TBC1D32: variants seen among roughly 807,000 people sequenced by gnomAD.
TBC1D32 encodes the protein protein broad-minded.
In TBC1D32, 151 loss-of-function variants were observed where a neutral mutation model predicts 170.3. The ratio of observed to expected loss-of-function variants is 0.89; its 90% confidence interval spans 0.78 to 1.01. The LOEUF (loss-of-function observed/expected upper bound fraction) is 1.01. Ranked by LOEUF, TBC1D32 falls within the 50% of genes least tolerant of loss-of-function variation. The pLI is 0.00. For missense variants in TBC1D32, 1,464 were observed against 1,457.1 expected, an observed-to-expected ratio of 1.00 and a Z score of -0.08; for synonymous variants, 498 against 488.0, an observed-to-expected ratio of 1.02 and a Z score of -0.27.
Position 121,102,253 on chromosome 6 carries a change from G to A in TBC1D32, c.3465+3770C>T, listed in dbSNP as rs546939709. 2.0e-5 allele frequency among the ~76,000 whole-genome samples: 3 copies of A among 152,140 alleles called. 1 individual carries two copies. Among genetic ancestry groups the A allele is most frequent in the South Asian group, 2.1e-4 (1 of 4,822 alleles). Reference sequence around the variant, plus strand: ...GATAAAACTACTTTAAAGTTCATGTGGAACCAGAAAAGATCCCACATTGCC... The same window carrying A: ...GATAAAACTACTTTAAAGTTCATGTAGAACCAGAAAAGATCCCACATTGCC... On this transcript the variant is annotated intron_variant, in intron 30 of 31. Coordinates refer to ENST00000398212, the MANE Select transcript of TBC1D32 (RefSeq NM_152730.6).
At chr6:121,133,606 TGTAA>T (rs982382679) in intron 24 of TBC1D32, among the ~76,000 whole-genome samples, 9 of 152,176 alleles carry the variant, frequency 5.9e-5, no homozygotes, top group East Asian at 1.9e-4. Flanking sequence ...ATCAGATTTA[TGTAA>T]GTATTTCCCT....
In TBC1D32 at chr6:121,141,331, G is replaced by A. The variant is rs186284387; in HGVS notation, c.2774-9579C>T. Among the ~76,000 whole-genome samples, 67 of 152,262 alleles carry A rather than the reference G, an allele frequency of 4.4e-4. No homozygotes were observed. In the Middle Eastern group the frequency reaches 0.017, roughly 39 times the overall value. ...GTAGGAATTAGTATTCCAGGAAAAG[G>A]GAGTATCAAGAGCAAAGGATCAGAG... On this transcript the variant is annotated intron_variant, in intron 24 of 31. Coordinates refer to ENST00000398212, the MANE Select transcript of TBC1D32 (RefSeq NM_152730.6).
chr6:121,184,460 A>C (rs1351023086), intron 22 of TBC1D32, among the ~76,000 whole-genome samples: 1 of 151,940 alleles, frequency 6.6e-6, no homozygotes, highest in Non-Finnish European at 1.5e-5. Flanking sequence ...AGAAAATGGC[A>C]TAATGCACGA....
chr6:121,153,862 A>T (rs1016748330), intron 24 of TBC1D32, among the ~76,000 whole-genome samples: 1 of 151,998 alleles, frequency 6.6e-6, no homozygotes, highest in Non-Finnish European at 1.5e-5. Flanking sequence ...TGCGTATACC[A>T]GGTCGACTTC....
At position 121,152,828 on chromosome 6, in the gene TBC1D32, C is replaced by T. The variant is rs560478216; in HGVS notation, c.2773+7182G>A. ...ACTTGTGTATGCTTCACAATTTTCT[C>T]GTGCTGTGTTTTTCAGTTCCATCAG... On this transcript the variant is annotated intron_variant, in intron 24 of 31. Transcript: ENST00000398212. Among the ~76,000 whole-genome samples, 113 of 152,170 alleles carry T rather than the reference C, an allele frequency of 7.4e-4. 2 individuals are homozygous for T. The highest frequency in any genetic ancestry group is 2.5e-3 in the African/African-American group (103 of 41,528).
intron 31 of TBC1D32, among the ~76,000 whole-genome samples, chr6:121,081,881 T>C (rs1038184629): frequency 6.6e-6 from 1 of 152,040 alleles, no homozygotes; most frequent in Non-Finnish European, 1.5e-5. Flanking sequence ...TTGCCATCAT[T>C]ACCAAAAATC....
chr6:121,098,366 T>C (rs1010640801), intron 30 of TBC1D32, among the ~76,000 whole-genome samples: 5 of 151,996 alleles, frequency 3.3e-5, no homozygotes, highest in African/African-American at 7.2e-5. Context: ...GCTTTCATCA[T>C]AGAAGAAGTA....
chr6:121,276,536 A>C (rs561073234), intron 15 of TBC1D32, among the ~76,000 whole-genome samples: 1 of 152,278 alleles, frequency 6.6e-6, no homozygotes, highest in Non-Finnish European at 1.5e-5. Flanking sequence ...GGCAAAAAAT[A>C]CAGTAAATAT....
intron 1 of TBC1D32, among the ~76,000 whole-genome samples, chr6:121,330,465 C>G (rs1811066147): frequency 6.6e-6 from 1 of 152,152 alleles, no homozygotes; most frequent in African/African-American, 2.4e-5. Context: ...CCCTCTGTAT[C>G]AAAAACATAT....
At chr6:121,255,497 T>C (rs1798859987) in intron 16 of TBC1D32, 87 bp from the exon 17 acceptor site, 2 of 263,026 alleles carry the variant, frequency 7.6e-6, no homozygotes, top group Admixed American at 1.4e-4. Flanking sequence ...AATTATATTT[T>C]ATAATTATAT....
chr6:121,288,686 C>A (rs1383972796), intron 12 of TBC1D32, among the ~76,000 whole-genome samples: 2 of 152,094 alleles, frequency 1.3e-5, no homozygotes, highest in East Asian at 1.9e-4. Context: ...CAAAGCCTGG[C>A]AGAGACACAA....
At chr6:121,159,915 A>G in intron 24 of TBC1D32, 95 bp downstream of exon 24, 2 of 827,912 alleles carry the variant, frequency 2.4e-6, no homozygotes, top group South Asian at 3.3e-5. Flanking sequence ...TACATGCTAA[A>G]TGCAGTCAAT....
chr6:121,112,456 A>G, intron 29 of TBC1D32, 49 bp downstream of exon 29: 1 of 1,510,396 alleles, frequency 6.6e-7, no homozygotes, highest in Admixed American at 2.0e-5. Context: ...TGTAAGTATA[A>G]TGTTCTTAAA....
intron 25 of TBC1D32, among the ~76,000 whole-genome samples, chr6:121,129,432 A>C (rs146903956): frequency 1.5e-3 from 226 of 152,286 alleles, no homozygotes; most frequent in African/African-American, 5.3e-3. Context: ...ATTTATTAGG[A>C]TGTAGCTTCA....
rs76573624 is a variant in TBC1D32 at position 121,332,018 on chromosome 6, T to C, written c.155+2258A>G. Among the ~76,000 whole-genome samples the C allele has an allele frequency of 7.4e-3, 1,132 of 152,312 alleles. 9 individuals are homozygous for C. Among genetic ancestry groups the C allele is most frequent in the Non-Finnish European group, 0.011 (752 of 68,016 alleles). Reference sequence around the variant, plus strand: ...TTTAGGAGGCCACAAGTAAATCTCTTTAGTAAATAGTAACTATTAACTGTG... The same window carrying C: ...TTTAGGAGGCCACAAGTAAATCTCTCTAGTAAATAGTAACTATTAACTGTG... On this transcript the variant is annotated intron_variant, in intron 1 of 31. Coordinates refer to ENST00000398212, the MANE Select transcript of TBC1D32 (RefSeq NM_152730.6).
intron 22 of TBC1D32, 105 bp from the exon 23 acceptor site, chr6:121,161,161 A>T (rs1039668993): frequency 2.5e-6 from 2 of 809,034 alleles, no homozygotes; most frequent in Admixed American, 5.7e-5. Context: ...AATATTTATC[A>T]ATCTATTTCT....
chr6:121,086,121 A>G (rs1416413712), intron 31 of TBC1D32, among the ~76,000 whole-genome samples: 1 of 152,092 alleles, frequency 6.6e-6, no homozygotes, highest in African/African-American at 2.4e-5. Flanking sequence ...TAGTAGAGGG[A>G]TGTAGCAACT....
At chr6:121,333,993 G>A (rs1402073059) in intron 1 of TBC1D32, among the ~76,000 whole-genome samples, 1 of 152,166 alleles carries the variant, frequency 6.6e-6, no homozygotes, top group Non-Finnish European at 1.5e-5. Context: ...CTTGAACCCG[G>A]GAGGCGGAGG....
chr6:121,134,950 A>G (rs1781873572), intron 24 of TBC1D32, among the ~76,000 whole-genome samples: 1 of 145,060 alleles, frequency 6.9e-6, no homozygotes, highest in Non-Finnish European at 1.5e-5. Flanking sequence ...ATAGGCAGAC[A>G]GAGACAAAGG....
Sources: allele counts gnomAD v4.1 joint callset (sites outside exome capture counted in the v4.1 genomes callset), GRCh38; gene constraint gnomAD v4.1.1; transcripts MANE v1.5; gene names NCBI Gene and HGNC (gene_info 2026-07-23, HGNC 2026-07-21).